Variants in IQGAP2 observed in about 807,000 individuals in gnomAD.
The protein encoded by IQGAP2 is IQ motif containing GTPase activating protein 2.
In IQGAP2, 173 loss-of-function variants were observed where a neutral mutation model predicts 201.3. The observed-to-expected ratio is 0.86, with a 90% CI of 0.76 to 0.98. IQGAP2 has a LOEUF of 0.98. Among genes scored for constraint, IQGAP2 ranks in the 50% least tolerant of loss-of-function variants. The probability of loss-of-function intolerance (pLI) is 0.00; values close to 1 mark genes in which losing one functional copy is unlikely to be tolerated. For synonymous variants in IQGAP2, 675 were observed against 673.9 expected, an observed-to-expected ratio of 1.00 and a Z score of -0.03; for missense variants, 1,687 against 1,864.8, an observed-to-expected ratio of 0.90 and a Z score of 1.76.
intron 28 of IQGAP2, among the ~76,000 whole-genome samples, chr5:76,681,776 G>A (rs755918733): frequency 4.6e-5 from 7 of 152,066 alleles, no homozygotes; most frequent in Non-Finnish European, 5.9e-5. Flanking sequence ...TGAAAGCAGA[G>A]TCAAAGAGTT....
intron 17 of IQGAP2, 99 bp downstream of exon 17, chr5:76,641,202 C>G (rs1377020558): frequency 2.3e-6 from 2 of 884,168 alleles, no homozygotes; most frequent in Non-Finnish European, 3.4e-6. Context: ...TTCCTATAAA[C>G]AAATCTGACT....
rs1305156409 is a variant in IQGAP2, at chr5:76,618,497, G to A, written c.1521+7314G>A. On this transcript the variant is annotated intron_variant, in intron 13 of 35. Transcript: ENST00000274364. Reference sequence around the variant, plus strand: ...GGAGATGTGAAGCACTTTCTTCAGGGCACTTAATTTTTACAGTAATCGTGG... The same window carrying A: ...GGAGATGTGAAGCACTTTCTTCAGGACACTTAATTTTTACAGTAATCGTGG... 1.1e-5 allele frequency: 17 copies of A among 1,614,026 alleles called. No homozygotes were observed. The African/African-American group carries it at 1.2e-4, about 11-fold the overall frequency.
intron 28 of IQGAP2, among the ~76,000 whole-genome samples, chr5:76,677,918 G>A (rs541779085): frequency 2.3e-4 from 35 of 152,158 alleles, no homozygotes; most frequent in Admixed American, 1.2e-3. Flanking sequence ...GCAACAGAGC[G>A]AGACCCTACC....
intron 13 of IQGAP2, among the ~76,000 whole-genome samples, chr5:76,623,671 G>C (rs1749938550): frequency 6.6e-6 from 1 of 152,172 alleles, no homozygotes. Flanking sequence ...TAAAAATGCA[G>C]TTCCAGAGTG....
chr5:76,604,074 A>G (rs1027282859), intron 11 of IQGAP2, among the ~76,000 whole-genome samples: 2 of 152,024 alleles, frequency 1.3e-5, no homozygotes, highest in Admixed American at 6.6e-5. Flanking sequence ...GGTTTGCTGC[A>G]CCCATCAACC....
chr5:76,547,995 C>T (rs1003667202), intron 2 of IQGAP2, among the ~76,000 whole-genome samples: 3 of 152,214 alleles, frequency 2.0e-5, no homozygotes, highest in African/African-American at 7.2e-5. Context: ...GGTAGCATTA[C>T]GCTTTAAACT....
In IQGAP2 at chr5:76,505,939, G is replaced by A. The variant is rs74710294; in HGVS notation, c.146+44270G>A. 7.2e-3 allele frequency among the ~76,000 whole-genome samples: 1,098 copies of A among 152,166 alleles called. 14 individuals carry two copies. The highest frequency in any genetic ancestry group is 0.024 in the African/African-American group (979 of 41,506). On this transcript the variant is annotated intron_variant, in intron 2 of 35. Transcript: ENST00000274364. ...TTTTACAGGAACTATCATTCATTAC[G>A]TAATGAGGTCTTGAACTTATGATTT...
At chr5:76,637,553 T>C (rs954277100) in intron 16 of IQGAP2, among the ~76,000 whole-genome samples, 5 of 152,212 alleles carry the variant, frequency 3.3e-5, no homozygotes, top group African/African-American at 1.2e-4. Context: ...CAACTTAACA[T>C]TGTACCTTTC....
intron 2 of IQGAP2, among the ~76,000 whole-genome samples, chr5:76,490,874 G>C (rs989130606): frequency 2.0e-5 from 3 of 152,044 alleles, no homozygotes; most frequent in Non-Finnish European, 4.4e-5. Flanking sequence ...GAACAACCTT[G>C]AGCATTTTTC....
chr5:76,689,416 T>A (rs1050913025), intron 30 of IQGAP2, among the ~76,000 whole-genome samples: 1 of 152,086 alleles, frequency 6.6e-6, no homozygotes, highest in East Asian at 1.9e-4. Context: ...AGGGCTATGA[T>A]GATCACATGA....
At chr5:76,602,012 T>C (rs186018865) in intron 11 of IQGAP2, among the ~76,000 whole-genome samples, 106 of 152,328 alleles carry the variant, frequency 7.0e-4, no homozygotes, top group African/African-American at 2.5e-3. Flanking sequence ...CATTCTCTCC[T>C]GTAAGCTTAG....
chr5:76,451,150 G>A (rs995916870), intron 1 of IQGAP2, among the ~76,000 whole-genome samples: 2 of 152,050 alleles, frequency 1.3e-5, no homozygotes, highest in African/African-American at 4.8e-5. Context: ...ATGTAAATTG[G>A]CATATTGGGG....
At chr5:76,517,613 A>G (rs1158471367) in intron 2 of IQGAP2, among the ~76,000 whole-genome samples, 1 of 151,918 alleles carries the variant, frequency 6.6e-6, no homozygotes, top group Non-Finnish European at 1.5e-5. Context: ...TCAAAAAAAA[A>G]AAAAAAAAAA....
At position 76,658,644 on chromosome 5, in the gene IQGAP2, G is replaced by A. The variant is rs1278957496; in HGVS notation, c.2506G>A (p.Val836Met). The A allele has an allele frequency of 6.2e-7, 1 of 1,613,774 alleles. No homozygotes were observed. Among genetic ancestry groups the A allele is most frequent in the Non-Finnish European group, 8.5e-7 (1 of 1,179,890 alleles). Residue 836 changes from valine to methionine, a missense_variant, in exon 21 of 36, where the codon GTG becomes ATG. Coordinates refer to ENST00000274364, the MANE Select transcript of IQGAP2 (RefSeq NM_006633.5). Reference sequence around the variant, plus strand: ...GATGGACATCAAGATTGGACTGCTGGTGAAGAACAGGATCACACTAGAGGT... The same window carrying A: ...GATGGACATCAAGATTGGACTGCTGATGAAGAACAGGATCACACTAGAGGT... ...NLMDIKIGLL[V>M]KNRITLEDVI... is the part of the protein sequence containing the mutation.
intron 1 of IQGAP2, among the ~76,000 whole-genome samples, chr5:76,413,243 A>T (rs1350912256): frequency 7.8e-6 from 1 of 128,922 alleles, no homozygotes; most frequent in Non-Finnish European, 1.5e-5. Flanking sequence ...ATCTTGGCTC[A>T]CTGCAACCTC....
At position 76,483,057 on chromosome 5, in the gene IQGAP2, C is replaced by T. The variant is rs77052571; in HGVS notation, c.146+21388C>T. 8.1e-3 allele frequency among the ~76,000 whole-genome samples: 1,239 copies of T among 152,284 alleles called. 14 individuals carry two copies. The highest frequency in any genetic ancestry group is 0.029 in the African/African-American group (1,189 of 41,558). On this transcript the variant is annotated intron_variant, in intron 2 of 35. Transcript: ENST00000274364. ...ATGGAATAAAATACCTCTTAAGCTC[C>T]ATTGTTTATTATGAAAAACATTTTC...
intron 2 of IQGAP2, among the ~76,000 whole-genome samples, chr5:76,501,047 C>T (rs1757246348): frequency 6.6e-6 from 1 of 152,108 alleles, no homozygotes; most frequent in Non-Finnish European, 1.5e-5. Flanking sequence ...GCACCGTGTA[C>T]ATTTAAGGAA....
intron 2 of IQGAP2, among the ~76,000 whole-genome samples, chr5:76,509,552 C>T (rs1477977241): frequency 1.3e-5 from 2 of 151,964 alleles, no homozygotes; most frequent in African/African-American, 4.8e-5. Flanking sequence ...CCACCATGCC[C>T]GGCTAATTTT....
chr5:76,704,802 T>G (rs1029071428), intron 35 of IQGAP2, among the ~76,000 whole-genome samples: 1 of 152,160 alleles, frequency 6.6e-6, no homozygotes, highest in Non-Finnish European at 1.5e-5. Flanking sequence ...TTTCAGTCAA[T>G]TGCATGAATG....
Sources: gnomAD v4.1 joint callset for allele counts (sites outside exome capture counted in the v4.1 genomes callset) on GRCh38, gnomAD v4.1.1 for gene constraint, MANE v1.5 for transcripts, NCBI Gene and HGNC (gene_info 2026-07-23, HGNC 2026-07-21) for gene names.